CSMD1: variants seen among roughly 807,000 people sequenced by gnomAD.
CSMD1 encodes CUB and Sushi multiple domains 1.
Under a neutral mutation model 417.5 loss-of-function variants are expected in CSMD1, and 213 were observed. That is an observed-to-expected ratio of 0.51 (90% CI 0.46 to 0.57). The LOEUF (loss-of-function observed/expected upper bound fraction) is 0.57. Among genes scored for constraint, CSMD1 ranks in the 20% least tolerant of loss-of-function variants. The probability of loss-of-function intolerance (pLI) is 0.00; values close to 1 mark genes in which losing one functional copy is unlikely to be tolerated. For missense variants in CSMD1, 6,923 were observed against 4,529.7 expected (o/e 1.53, Z -15.17); for synonymous variants, 2,862 against 1,736.8 (o/e 1.65, Z -16.11).
chr8:3,304,000 C>T (rs1188825033), intron 25 of CSMD1, among the ~76,000 whole-genome samples: 3 of 151,984 alleles, frequency 2.0e-5, no homozygotes, highest in Admixed American at 6.6e-5. Flanking sequence ...AGAGGAATAG[C>T]ACTATATAAG....
intron 2 of CSMD1, among the ~76,000 whole-genome samples, chr8:4,427,633 A>G (rs1029880976): frequency 9.9e-5 from 15 of 152,158 alleles, no homozygotes; most frequent in African/African-American, 3.6e-4. Flanking sequence ...CCATGTAATA[A>G]TTACATTATT....
At chr8:4,293,594 A>G (rs1289003002) in intron 3 of CSMD1, among the ~76,000 whole-genome samples, 1 of 152,240 alleles carries the variant, frequency 6.6e-6, no homozygotes, top group African/African-American at 2.4e-5. Flanking sequence ...AGCTCATCTC[A>G]TCATGAACTA....
Position 4,147,516 on chromosome 8 carries a change from T to C in CSMD1, c.416-115417A>G, listed in dbSNP as rs535054941. ...CACCACAATCTGTTCCTGTCTCCATTAGAGCCCTCCTCCTTAGGCATTTTA... is the reference window on the plus strand; with the variant it reads ...CACCACAATCTGTTCCTGTCTCCATCAGAGCCCTCCTCCTTAGGCATTTTA... On this transcript the variant is annotated intron_variant, in intron 3 of 69. Transcript: ENST00000635120. 2.6e-5 allele frequency among the ~76,000 whole-genome samples: 4 copies of C among 152,278 alleles called. No individual in the cohort carries two copies. The East Asian group carries it at 5.8e-4, about 22-fold the overall frequency.
chr8:3,558,842 G>A (rs1462867491), intron 10 of CSMD1, among the ~76,000 whole-genome samples: 1 of 148,974 alleles, frequency 6.7e-6, no homozygotes, highest in Non-Finnish European at 1.5e-5. Context: ...ATGATGAATG[G>A]TGTCTCAGTA....
intron 30 of CSMD1, among the ~76,000 whole-genome samples, chr8:3,210,215 A>C (rs1182017519): frequency 2.6e-5 from 4 of 152,166 alleles, no homozygotes; most frequent in Non-Finnish European, 4.4e-5. Flanking sequence ...TCCAAGATGC[A>C]CTACAGGAGA....
chr8:3,142,364 G>A (rs538539201), intron 41 of CSMD1, 101 bp downstream of exon 41: 18 of 1,036,032 alleles, frequency 1.7e-5, no homozygotes, highest in East Asian at 2.6e-5. Context: ...TATTCCACTC[G>A]TACAAGCTTG....
At chr8:4,303,980 G>A (rs1281691487) in intron 3 of CSMD1, among the ~76,000 whole-genome samples, 1 of 152,102 alleles carries the variant, frequency 6.6e-6, no homozygotes. Context: ...GCCTCCTCCT[G>A]CCTAGAACCT....
intron 10 of CSMD1, among the ~76,000 whole-genome samples, chr8:3,494,356 G>T (rs1017762124): frequency 6.6e-6 from 1 of 152,142 alleles, no homozygotes; most frequent in Non-Finnish European, 1.5e-5. Context: ...TTTCTGTAGA[G>T]CACAAGATCT....
At chr8:3,384,791 A>AT (rs1810884941) in intron 18 of CSMD1, among the ~76,000 whole-genome samples, 1 of 124,182 alleles carries the variant, frequency 8.1e-6, no homozygotes, top group African/African-American at 3.1e-5. Context: ...AATATATATT[A>AT]ATATATGCTA....
chr8:3,372,034 G>C (rs1809987432), intron 18 of CSMD1, among the ~76,000 whole-genome samples: 2 of 152,170 alleles, frequency 1.3e-5, no homozygotes, highest in South Asian at 2.1e-4. Context: ...AGTTGGAAAA[G>C]ACAGGATAAA....
intron 12 of CSMD1, among the ~76,000 whole-genome samples, chr8:3,466,763 C>A (rs1286574246): frequency 6.6e-6 from 1 of 151,938 alleles, no homozygotes; most frequent in Admixed American, 6.6e-5. Flanking sequence ...AATAACTTTG[C>A]TTTGAGTCAA....
At chr8:4,872,560 CAGAACTGTG>C (rs1802798123) in intron 1 of CSMD1, among the ~76,000 whole-genome samples, 2 of 152,140 alleles carry the variant, frequency 1.3e-5, no homozygotes, top group Admixed American at 1.3e-4. Context: ...CCCAACCCTG[CAGAACTGTG>C]AGTCAATTAA....
In CSMD1 at chr8:4,170,133, C is replaced by T. The variant is rs1471335627; in HGVS notation, c.416-138034G>A. On this transcript the variant is annotated intron_variant, in intron 3 of 69. Coordinates refer to ENST00000635120, the MANE Select transcript of CSMD1 (RefSeq NM_033225.6). ...CTGTTTTCTCCCTCCAGGGGCTTCTCTTGTAAAAGTTACCCAAACCTCCTT... is the reference window on the plus strand; with the variant it reads ...CTGTTTTCTCCCTCCAGGGGCTTCTTTTGTAAAAGTTACCCAAACCTCCTT... Among the ~76,000 whole-genome samples the T allele has an allele frequency of 2.0e-5, 3 of 151,802 alleles. 1 individual carries two copies. Among genetic ancestry groups the T allele is most frequent in the African/African-American group, 7.3e-5 (3 of 41,086 alleles).
chr8:4,344,928 C>G (rs1054925194), intron 3 of CSMD1, among the ~76,000 whole-genome samples: 2 of 152,094 alleles, frequency 1.3e-5, no homozygotes, highest in Non-Finnish European at 2.9e-5. Flanking sequence ...AGGTTGTGGT[C>G]AGCTGGTCTC....
chr8:3,218,883 A>G (rs998847207), intron 29 of CSMD1, among the ~76,000 whole-genome samples: 2 of 150,520 alleles, frequency 1.3e-5, no homozygotes, highest in African/African-American at 4.9e-5. Context: ...AAGAAAAAAG[A>G]AAAAAAAAAG....
intron 3 of CSMD1, among the ~76,000 whole-genome samples, chr8:4,360,092 A>G (rs1801664488): frequency 6.6e-6 from 1 of 152,164 alleles, no homozygotes; most frequent in Admixed American, 6.5e-5. Flanking sequence ...CAAGTTACTT[A>G]ACATATCTGT....
intron 2 of CSMD1, among the ~76,000 whole-genome samples, chr8:4,439,532 A>C (rs1798341867): frequency 6.6e-6 from 1 of 152,174 alleles, no homozygotes; most frequent in Admixed American, 6.5e-5. Context: ...ATACATTTGA[A>C]AATGTATATT....
At chr8:4,899,425 T>A (rs1172533492) in intron 1 of CSMD1, among the ~76,000 whole-genome samples, 1 of 152,168 alleles carries the variant, frequency 6.6e-6, no homozygotes, top group African/African-American at 2.4e-5. Flanking sequence ...CCAGGAAGTA[T>A]TTTAGGTAAT....
rs76585527 is a variant in CSMD1 at position 3,636,018 on chromosome 8, T to C, written c.1010-19221A>G. ...TTGAAACACAAACACATTGAACAGC[T>C]GTACAAAAATATTTTCAGTCTTAAT... is the stretch of plus-strand genomic sequence containing the variant. On this transcript the variant is annotated intron_variant, in intron 7 of 69. Transcript: ENST00000635120. 8.9e-3 allele frequency among the ~76,000 whole-genome samples: 1,356 copies of C among 152,282 alleles called. 9 individuals are homozygous for C. The highest frequency in any genetic ancestry group is 0.015 in the Non-Finnish European group (1,008 of 68,024).
Sources: allele counts gnomAD v4.1 joint callset (sites outside exome capture counted in the v4.1 genomes callset), GRCh38; gene constraint gnomAD v4.1.1; transcripts MANE v1.5; gene names NCBI Gene and HGNC (gene_info 2026-07-23, HGNC 2026-07-21).